NOS1AP: variants seen among roughly 807,000 people sequenced by gnomAD.
The protein encoded by NOS1AP is carboxyl-terminal PDZ ligand of neuronal nitric oxide synthase protein.
A neutral mutation model predicts 56.2 loss-of-function variants in NOS1AP; 21 were observed. The observed-to-expected ratio is 0.37, with a 90% confidence interval of 0.26 to 0.54. The LOEUF (loss-of-function observed/expected upper bound fraction) is 0.54. Among genes scored for constraint, NOS1AP ranks in the 20% least tolerant of loss-of-function variants. The pLI is 0.84. For missense variants in NOS1AP, 522 were observed against 657.8 expected, an observed-to-expected ratio of 0.79 and a Z score of 2.26; for synonymous variants, 270 against 274.6, an observed-to-expected ratio of 0.98 and a Z score of 0.17.
At chr1:162,077,503 C>T (rs375642523) in intron 1 of NOS1AP, among the ~76,000 whole-genome samples, 1 of 152,094 alleles carries the variant, frequency 6.6e-6, no homozygotes, top group Non-Finnish European at 1.5e-5. Context: ...GGATTCAAAT[C>T]CCTTATATAG....
At chr1:162,214,420 G>A (rs1336154922) in intron 2 of NOS1AP, among the ~76,000 whole-genome samples, 1 of 152,224 alleles carries the variant, frequency 6.6e-6, no homozygotes, top group Non-Finnish European at 1.5e-5. Flanking sequence ...GAGAAGGAAA[G>A]GGGGAAGTGA....
At chr1:162,232,491 T>C (rs1223495922) in intron 2 of NOS1AP, among the ~76,000 whole-genome samples, 1 of 152,150 alleles carries the variant, frequency 6.6e-6, no homozygotes, top group Non-Finnish European at 1.5e-5. Context: ...TTTCTTTTCC[T>C]CAGGGAAGCT....
intron 1 of NOS1AP, among the ~76,000 whole-genome samples, chr1:162,092,490 G>C (rs1692157556): frequency 6.6e-6 from 1 of 152,060 alleles, no homozygotes; most frequent in Non-Finnish European, 1.5e-5. Flanking sequence ...TTCTCTGAAG[G>C]CTCCATGCTA....
chr1:162,248,724 C>T (rs370068531), intron 2 of NOS1AP, among the ~76,000 whole-genome samples: 3 of 152,106 alleles, frequency 2.0e-5, no homozygotes, highest in African/African-American at 7.2e-5. Context: ...TTCTGTATGC[C>T]ATTTTATTCA....
intron 2 of NOS1AP, among the ~76,000 whole-genome samples, chr1:162,193,715 G>A (rs543870982): frequency 2.0e-5 from 3 of 152,116 alleles, no homozygotes; most frequent in African/African-American, 4.8e-5. Context: ...ATTTTAGAGG[G>A]GGCCAGGGAA....
intron 2 of NOS1AP, among the ~76,000 whole-genome samples, chr1:162,246,796 G>T (rs1024154367): frequency 6.6e-6 from 1 of 152,118 alleles, no homozygotes; most frequent in African/African-American, 2.4e-5. Flanking sequence ...TGCTGTGGGG[G>T]TGTTGATGGG....
chr1:162,227,112 A>G (rs1009271347), intron 2 of NOS1AP, among the ~76,000 whole-genome samples: 19 of 152,346 alleles, frequency 1.2e-4, no homozygotes, highest in African/African-American at 4.3e-4. Context: ...TAGGCTAAAA[A>G]AATTATCACC....
At chr1:162,218,004 C>T (rs1652639330) in intron 2 of NOS1AP, among the ~76,000 whole-genome samples, 1 of 152,174 alleles carries the variant, frequency 6.6e-6, no homozygotes, top group South Asian at 2.1e-4. Flanking sequence ...CTTCTTGCTA[C>T]AGATGAAGAA....
At position 162,194,688 on chromosome 1, in the gene NOS1AP, T is replaced by G. The variant is rs142899965; in HGVS notation, c.177+40212T>G. Reference sequence around the variant, plus strand: ...AAGGTTGCCAGTGTTCTCTTTACCTTTGGTCTGGTATTTAGGTCTGAGACA... The same window carrying G: ...AAGGTTGCCAGTGTTCTCTTTACCTGTGGTCTGGTATTTAGGTCTGAGACA... On this transcript the variant is annotated intron_variant, in intron 2 of 9. Coordinates refer to ENST00000361897, the MANE Select transcript of NOS1AP (RefSeq NM_014697.3). Among the ~76,000 whole-genome samples, 247 of 152,294 alleles carry G rather than the reference T, an allele frequency of 1.6e-3. 2 individuals are homozygous for G. Among genetic ancestry groups the G allele is most frequent in the Admixed American group, 5.2e-3 (80 of 15,294 alleles).
chr1:162,175,003 G>A (rs902643013), intron 2 of NOS1AP, among the ~76,000 whole-genome samples: 1 of 152,192 alleles, frequency 6.6e-6, no homozygotes. Context: ...TTGGGAGGAA[G>A]ACAGAGAGGT....
Position 162,367,311 on chromosome 1 carries a change from C to G in NOS1AP, c.1365C>G (p.Ile455Met). The change falls in exon 10 of 10, where the codon ATC becomes ATG. Residue 455 changes from isoleucine (I) to methionine (M), a missense_variant. By Grantham distance (10) the Ile-to-Met change is conservative. Around this residue, in one of 4 missense-constraint regions of NOS1AP, gnomAD observed 160 missense variants for 180.3 expected, o/e 0.89. Transcript: ENST00000361897. This position sits in a 1 kb window ranked among gnomAD's most constrained non-coding sequence, Gnocchi z 6.5. ...GEALLGGLEL[I>M]KFRESGIASE... ...CGCTCCTGGGCGGTCTGGAGCTCAT[C>G]AAGTTCCGAGAGTCAGGCATCGCCT... 1 of 1,613,388 alleles carries G rather than the reference C, an allele frequency of 6.2e-7. No individual in the cohort carries two copies. The highest frequency in any genetic ancestry group is 8.5e-7 in the Non-Finnish European group (1 of 1,179,936).
At chr1:162,136,476 G>A (rs940471422) in intron 1 of NOS1AP, among the ~76,000 whole-genome samples, 1 of 152,118 alleles carries the variant, frequency 6.6e-6, no homozygotes, top group Non-Finnish European at 1.5e-5. Flanking sequence ...CAGTCTTGTA[G>A]ATTACCGTAT....
intron 3 of NOS1AP, among the ~76,000 whole-genome samples, chr1:162,291,115 C>T (rs1230280785): frequency 6.6e-6 from 1 of 152,116 alleles, no homozygotes; most frequent in Non-Finnish European, 1.5e-5. Flanking sequence ...CAGGAGGGGA[C>T]CCTCTGAGGT....
intron 6 of NOS1AP, among the ~76,000 whole-genome samples, chr1:162,348,041 C>G (rs1404295103): frequency 6.6e-6 from 1 of 152,190 alleles, no homozygotes; most frequent in Non-Finnish European, 1.5e-5. Flanking sequence ...AACATTTAGT[C>G]CACTGTGTAC....
At chr1:162,340,013 G>A (rs1465336690) in intron 5 of NOS1AP, among the ~76,000 whole-genome samples, 1 of 152,222 alleles carries the variant, frequency 6.6e-6, no homozygotes, top group Non-Finnish European at 1.5e-5. Flanking sequence ...GTACAGTGAG[G>A]AGCTGTTTAG....
At chr1:162,248,977 T>C (rs546446881) in intron 2 of NOS1AP, among the ~76,000 whole-genome samples, 53 of 152,256 alleles carry the variant, frequency 3.5e-4, no homozygotes, top group Non-Finnish European at 5.9e-4. Context: ...ACAGTTTCTA[T>C]GGTAACAGCA....
chr1:162,255,060 C>A (rs1653981261), intron 2 of NOS1AP, among the ~76,000 whole-genome samples: 1 of 152,216 alleles, frequency 6.6e-6, no homozygotes, highest in African/African-American at 2.4e-5. Context: ...GCAGTTAGAG[C>A]TCCAGGAATA....
chr1:162,197,485 C>T lies in NOS1AP; in HGVS notation c.177+43009C>T, dbSNP rs538369140. 3.3e-5 allele frequency among the ~76,000 whole-genome samples: 5 copies of T among 152,282 alleles called. No homozygotes were observed. The East Asian group carries it at 5.8e-4, about 18-fold the overall frequency. On this transcript the variant is annotated intron_variant, in intron 2 of 9. Transcript: ENST00000361897. ...TGGATCTTACTGGGAGCTTTCAGAT[C>T]GGAGTCTCTGTGAAATGGAACAAGT...
chr1:162,364,118 A>C (rs1657987987), intron 8 of NOS1AP: 2 of 985,180 alleles, frequency 2.0e-6, no homozygotes, highest in African/African-American at 1.7e-5. Context: ...AAAAATGTGA[A>C]TCTCTTTGGA....
Sources: gnomAD v4.1 joint callset for allele counts (sites outside exome capture counted in the v4.1 genomes callset) on GRCh38, gnomAD v4.1.1 for gene constraint, gnomAD v4.1.1 regional missense constraint, Gnocchi (gnomAD v3.1) non-coding constraint, MANE v1.5 for transcripts, NCBI Gene and HGNC (gene_info 2026-07-23, HGNC 2026-07-21) for gene names.